Variants in MAP4 observed in about 807,000 individuals in gnomAD.
MAP4 encodes the protein microtubule associated protein 4, also known as microtubule-associated protein 4.
A neutral mutation model predicts 170.2 loss-of-function variants in MAP4; 76 were observed. The observed-to-expected ratio is 0.45, with a 90% CI of 0.37 to 0.54. MAP4 has a LOEUF of 0.54. MAP4 is among the 20% of genes least tolerant of loss of function. The pLI is 0.00. For synonymous variants in MAP4, 909 were observed against 994.5 expected (o/e 0.91, Z 1.62); for missense variants, 2,506 against 2,748.0 (o/e 0.91, Z 1.97).
intron 3 of MAP4, among the ~76,000 whole-genome samples, chr3:47,932,860 C>A (rs1394012329): frequency 6.6e-6 from 1 of 152,032 alleles, no homozygotes; most frequent in Non-Finnish European, 1.5e-5. Flanking sequence ...GCAAGAGACA[C>A]CTACAGCTGA....
chr3:47,874,976 T>C (rs2094812969), intron 12 of MAP4, among the ~76,000 whole-genome samples: 2 of 150,968 alleles, frequency 1.3e-5, no homozygotes. Context: ...CAGCCTCCAC[T>C]ATCCTCTCCT....
At chr3:48,044,975 G>C (rs1437253102) in intron 1 of MAP4, among the ~76,000 whole-genome samples, 2 of 150,198 alleles carry the variant, frequency 1.3e-5, no homozygotes, top group Non-Finnish European at 3.0e-5. Context: ...TTTTTGTTGA[G>C]GCCAGGCACA....
chr3:47,913,327 G>T (rs541414972), intron 8 of MAP4, among the ~76,000 whole-genome samples: 2 of 152,066 alleles, frequency 1.3e-5, no homozygotes, highest in Non-Finnish European at 1.5e-5. Context: ...GTAAATAGTG[G>T]ATTTCATTCT....
rs773786228 is a variant in MAP4, at chr3:48,052,379, C to T, written c.-20+36394G>A. Among the ~76,000 whole-genome samples the T allele has an allele frequency of 4.7e-4, 71 of 152,262 alleles. 1 individual carries two copies. In the Middle Eastern group the frequency reaches 0.014, roughly 29 times the overall value. ...GGGATTATAGGCGTGCACTATCACA[C>T]CCAGCTAACTTTTTGTATTCTTAGG... On this transcript the variant is annotated intron_variant, in intron 1 of 18. Coordinates refer to the MAP4 transcript ENST00000360240.
intron 1 of MAP4, among the ~76,000 whole-genome samples, chr3:48,077,207 C>T (rs1023211067): frequency 3.3e-5 from 5 of 152,068 alleles, no homozygotes; most frequent in East Asian, 1.9e-4. Context: ...CTTTGGGAGG[C>T]GGAGGTGGGC....
chr3:48,068,585 C>G (rs901513281), intron 1 of MAP4, among the ~76,000 whole-genome samples: 3 of 151,810 alleles, frequency 2.0e-5, no homozygotes, highest in Non-Finnish European at 2.9e-5. Context: ...GAGTTCCAGA[C>G]CAGCCCGGCC....
intron 1 of MAP4, among the ~76,000 whole-genome samples, chr3:48,037,674 T>A (rs895396966): frequency 1.3e-5 from 2 of 151,954 alleles, no homozygotes; most frequent in Admixed American, 6.6e-5. Context: ...GGATTACAGG[T>A]GTGAACCACA....
At chr3:48,084,235 A>T (rs1016967452) in intron 1 of MAP4, among the ~76,000 whole-genome samples, 1 of 151,164 alleles carries the variant, frequency 6.6e-6, no homozygotes, top group African/African-American at 2.4e-5. Context: ...GAATAAGAAC[A>T]AGAATCACAA....
chr3:47,856,577 C>A (rs1412599353), intron 18 of MAP4, among the ~76,000 whole-genome samples: 1 of 152,112 alleles, frequency 6.6e-6, no homozygotes, highest in Non-Finnish European at 1.5e-5. Flanking sequence ...AAGGCATGCA[C>A]CACCACACCT....
At chr3:47,939,708 AG>A (rs1472141618) in intron 3 of MAP4, among the ~76,000 whole-genome samples, 1 of 127,500 alleles carries the variant, frequency 7.8e-6, no homozygotes, top group Non-Finnish European at 1.6e-5. Flanking sequence ...GTAAAGAAAT[AG>A]TTTTTTTTTT....
chr3:47,902,086 C>T (rs912812768), intron 10 of MAP4, among the ~76,000 whole-genome samples: 3 of 151,756 alleles, frequency 2.0e-5, no homozygotes, highest in East Asian at 2.0e-4. Flanking sequence ...CCTGGGAGGT[C>T]GAGGCTGTAG....
At chr3:48,077,102 G>A (rs536006332) in intron 1 of MAP4, among the ~76,000 whole-genome samples, 63 of 151,762 alleles carry the variant, frequency 4.2e-4, no homozygotes, top group Non-Finnish European at 7.4e-4. Context: ...AATCATGATC[G>A]CATCACTGCA....
At chr3:47,942,860 C>T (rs1248730316) in intron 3 of MAP4, among the ~76,000 whole-genome samples, 2 of 152,064 alleles carry the variant, frequency 1.3e-5, no homozygotes, top group Non-Finnish European at 2.9e-5. Flanking sequence ...CTGTAATCAT[C>T]GCAATTTGGG....
At chr3:47,885,132 T>C (rs997654084) in intron 10 of MAP4, among the ~76,000 whole-genome samples, 13 of 152,202 alleles carry the variant, frequency 8.5e-5, no homozygotes, top group Non-Finnish European at 1.5e-4. Context: ...ATTTTCTCTA[T>C]TTGTTTTCTT....
chr3:48,046,087 G>C (rs954082657), intron 1 of MAP4, among the ~76,000 whole-genome samples: 1 of 150,760 alleles, frequency 6.6e-6, no homozygotes, highest in African/African-American at 2.4e-5. Flanking sequence ...TTTTGAATGA[G>C]AGCATCAGCA....
intron 10 of MAP4, among the ~76,000 whole-genome samples, chr3:47,885,416 G>A (rs771077466): frequency 7.2e-5 from 11 of 151,996 alleles, no homozygotes; most frequent in Non-Finnish European, 1.3e-4. Flanking sequence ...CAGTCCCAGG[G>A]AATTCACTGT....
intron 2 of MAP4, among the ~76,000 whole-genome samples, chr3:47,983,172 T>C (rs887958154): frequency 6.6e-6 from 1 of 152,198 alleles, no homozygotes; most frequent in East Asian, 1.9e-4. Context: ...CCCAAAGTGA[T>C]AGAATTACAG....
intron 5 of MAP4, 99 bp downstream of exon 5, chr3:47,921,666 T>TA (rs2100042928): frequency 3.0e-6 from 2 of 669,966 alleles, no homozygotes; most frequent in Non-Finnish European, 5.4e-6. Flanking sequence ...TTTTTCTTGT[T>TA]AATCTTTTGT....
At chr3:47,974,795 A>G (rs1334390623) in intron 3 of MAP4, 1 of 968,950 alleles carries the variant, frequency 1.0e-6, no homozygotes, top group Non-Finnish European at 1.2e-6. Context: ...CAACTTGCAA[A>G]TAATAAAGGA....
Sources: allele counts gnomAD v4.1 joint callset (sites outside exome capture counted in the v4.1 genomes callset), GRCh38; gene constraint gnomAD v4.1.1; transcripts MANE v1.5; gene names NCBI Gene and HGNC (gene_info 2026-07-23, HGNC 2026-07-21).